SLC8A1: variants seen among roughly 807,000 people sequenced by gnomAD.
The protein encoded by SLC8A1 is sodium/calcium exchanger 1.
In SLC8A1, 18 loss-of-function variants were observed where a neutral mutation model predicts 68.3. The observed-to-expected ratio is 0.26, with a 90% CI of 0.18 to 0.39. The LOEUF is 0.39. SLC8A1 is among the 10% of genes least tolerant of loss of function. The pLI is 1.00. For missense variants in SLC8A1, 985 were observed against 1,156.7 expected (o/e 0.85, Z 2.15); for synonymous variants, 475 against 415.5 (o/e 1.14, Z -1.74).
intron 1 of SLC8A1, among the ~76,000 whole-genome samples, chr2:40,439,588 T>C (rs577279449): frequency 4.4e-4 from 67 of 152,270 alleles, no homozygotes; most frequent in Non-Finnish European, 2.6e-4. Flanking sequence ...TTCTTTTTTA[T>C]TTTTTAATCT....
In SLC8A1 at chr2:40,211,766, G is replaced by C. The variant is rs114396643; in HGVS notation, c.1809-33911C>G. 8.6e-3 allele frequency among the ~76,000 whole-genome samples: 1,303 copies of C among 152,300 alleles called. 21 individuals carry two copies. Among genetic ancestry groups the C allele is most frequent in the African/African-American group, 0.029 (1,220 of 41,554 alleles). ...AGGGGCTGGATTCAGCAAAGAGGTAGATGAAAAACCCAGGTTCTAGGGTCC... is the reference window on the plus strand; with the variant it reads ...AGGGGCTGGATTCAGCAAAGAGGTACATGAAAAACCCAGGTTCTAGGGTCC... On this transcript the variant is annotated intron_variant, in intron 2 of 7. Transcript: ENST00000406785.
At chr2:40,133,709 C>CA (rs1421644157) in intron 7 of SLC8A1, among the ~76,000 whole-genome samples, 5 of 57,558 alleles carry the variant, frequency 8.7e-5, no homozygotes, top group East Asian at 1.3e-3. Flanking sequence ...AATCCCCCCC[C>CA]CCCACCGACT....
chr2:40,383,318 C>T (rs1343476709), intron 2 of SLC8A1, among the ~76,000 whole-genome samples: 2 of 151,742 alleles, frequency 1.3e-5, no homozygotes, highest in African/African-American at 4.8e-5. Flanking sequence ...TGTTTTTTGT[C>T]CTTAGTTGGA....
At chr2:40,228,428 T>G (rs404226) in intron 2 of SLC8A1, among the ~76,000 whole-genome samples, 90,846 of 152,100 alleles carry the variant, frequency 0.6, 27,805 homozygotes, top group Middle Eastern at 0.79. Context: ...GGCATGACAT[T>G]GGAATTAAAG....
intron 2 of SLC8A1, among the ~76,000 whole-genome samples, chr2:40,324,071 TTG>T (rs1314837437): frequency 1.3e-5 from 2 of 151,854 alleles, no homozygotes; most frequent in East Asian, 3.9e-4. Context: ...TAAACCAAGA[TTG>T]TCTCATGAAA....
At chr2:40,166,365 C>T (rs956253140) in intron 4 of SLC8A1, among the ~76,000 whole-genome samples, 3 of 152,184 alleles carry the variant, frequency 2.0e-5, no homozygotes, top group Admixed American at 1.3e-4. Flanking sequence ...CAGAATGTAG[C>T]ATATTGATTA....
chr2:40,200,788 G>T lies in SLC8A1; in HGVS notation c.1809-22933C>A, dbSNP rs542918539. ...TTTTTCTTTTAGCTTTAGAGACTTT[G>T]TCCTTAATTGACTTCATGCTTCTTA... On this transcript the variant is annotated intron_variant, in intron 2 of 7. Transcript: ENST00000406785. Among the ~76,000 whole-genome samples the T allele has an allele frequency of 7.2e-5, 11 of 151,852 alleles. No individual in the cohort carries two copies. In the East Asian group the frequency reaches 2.1e-3, roughly 30 times the overall value.
chr2:40,491,263 A>G (rs1196098180), intron 1 of SLC8A1, among the ~76,000 whole-genome samples: 1 of 151,990 alleles, frequency 6.6e-6, no homozygotes, highest in Non-Finnish European at 1.5e-5. Flanking sequence ...ATGGGAGTTC[A>G]CTCATGATTT....
intron 7 of SLC8A1, among the ~76,000 whole-genome samples, chr2:40,134,594 G>A (rs571819446): frequency 1.6e-4 from 24 of 152,200 alleles, no homozygotes; most frequent in African/African-American, 5.1e-4. Flanking sequence ...TACAATAACC[G>A]TCTCAGATAT....
At chr2:40,294,053 A>G (rs1443498620) in intron 2 of SLC8A1, among the ~76,000 whole-genome samples, 1 of 152,056 alleles carries the variant, frequency 6.6e-6, no homozygotes, top group Non-Finnish European at 1.5e-5. Context: ...GAGGGAAACC[A>G]ACTAGAATTT....
chr2:40,217,538 T>C (rs1028623086), intron 2 of SLC8A1, among the ~76,000 whole-genome samples: 1 of 152,188 alleles, frequency 6.6e-6, no homozygotes, highest in Non-Finnish European at 1.5e-5. Flanking sequence ...CTTTCTGTTG[T>C]TGTTGTGTAG....
At chr2:40,295,528 G>A (rs1260690730) in intron 2 of SLC8A1, among the ~76,000 whole-genome samples, 1 of 152,168 alleles carries the variant, frequency 6.6e-6, no homozygotes, top group East Asian at 1.9e-4. Flanking sequence ...TAGTAAAGAA[G>A]TGGGAAATTT....
At chr2:40,409,568 T>G (rs1389091512) in intron 2 of SLC8A1, among the ~76,000 whole-genome samples, 1 of 152,168 alleles carries the variant, frequency 6.6e-6, no homozygotes, top group Non-Finnish European at 1.5e-5. Context: ...TTGAGAATAC[T>G]CTAATTCTTA....
chr2:40,313,492 T>G (rs1032999189), intron 2 of SLC8A1, among the ~76,000 whole-genome samples: 1 of 152,092 alleles, frequency 6.6e-6, no homozygotes, highest in Non-Finnish European at 1.5e-5. Context: ...TCTCCTAAGG[T>G]AGTCGTACCA....
At chr2:40,289,608 T>C (rs1183208252) in intron 2 of SLC8A1, among the ~76,000 whole-genome samples, 1 of 151,966 alleles carries the variant, frequency 6.6e-6, no homozygotes, top group South Asian at 2.1e-4. Context: ...CCCAACACTT[T>C]GGGAGGCTGA....
At chr2:40,334,844 A>G (rs938988562) in intron 2 of SLC8A1, among the ~76,000 whole-genome samples, 2 of 152,194 alleles carry the variant, frequency 1.3e-5, no homozygotes. Context: ...TCCCTCGGCC[A>G]TACTGCTCTC....
intron 1 of SLC8A1, among the ~76,000 whole-genome samples, chr2:40,484,517 C>T (rs574623213): frequency 5.8e-4 from 88 of 152,238 alleles, no homozygotes; most frequent in African/African-American, 1.9e-3. Context: ...CTGATGATTC[C>T]GCATAAATAG....
At chr2:40,371,794 G>A (rs1678187628) in intron 2 of SLC8A1, among the ~76,000 whole-genome samples, 1 of 152,074 alleles carries the variant, frequency 6.6e-6, no homozygotes, top group African/African-American at 2.4e-5. Context: ...CCCGATCTCT[G>A]GCAGGCAGAT....
At chr2:40,377,492 G>T (rs1021087724) in intron 2 of SLC8A1, among the ~76,000 whole-genome samples, 1 of 152,038 alleles carries the variant, frequency 6.6e-6, no homozygotes, top group African/African-American at 2.4e-5. Context: ...CCAACAAAAA[G>T]CTAATATAAA....
Sources: allele counts gnomAD v4.1 joint callset (sites outside exome capture counted in the v4.1 genomes callset), GRCh38; gene constraint gnomAD v4.1.1; transcripts MANE v1.5; gene names NCBI Gene and HGNC (gene_info 2026-07-23, HGNC 2026-07-21).